The following CFAP47 variants were observed in gnomAD, a reference collection of about 807,000 sequenced individuals.
CFAP47 encodes the protein cilia- and flagella-associated protein 47.
Under a neutral mutation model 148.1 loss-of-function variants are expected in CFAP47, and 29 were observed. The observed-to-expected ratio is 0.20, with a 90% CI of 0.15 to 0.27. The LOEUF (loss-of-function observed/expected upper bound fraction) is 0.27, where lower values mean the gene tolerates loss of function less well. Among genes scored for constraint, CFAP47 ranks in the 10% least tolerant of loss-of-function variants. The pLI is 1.00. For missense variants in CFAP47, 1,872 were observed against 1,697.5 expected (o/e 1.10, Z -1.81); for synonymous variants, 664 against 577.3 (o/e 1.15, Z -2.15).
intron 38 of CFAP47, among the ~76,000 whole-genome samples, chrX:36,160,475 A>C (rs1939416165): frequency 9.0e-6 from 1 of 111,632 alleles, no homozygotes; most frequent in African/African-American, 3.3e-5. Context: ...TAATAAAAAC[A>C]AAATAAAATA....
intron 37 of CFAP47, among the ~76,000 whole-genome samples, chrX:36,154,582 G>A (rs938632176): frequency 3.6e-5 from 4 of 111,540 alleles, no homozygotes; most frequent in Non-Finnish European, 7.5e-5. Flanking sequence ...GAATGTTCAA[G>A]CTTTCTCTAC....
chrX:36,239,300 G>T (rs1183247260), intron 48 of CFAP47, among the ~76,000 whole-genome samples: 2 of 112,305 alleles, frequency 1.8e-5, no homozygotes, highest in African/African-American at 6.5e-5. Context: ...CAGTGATCTT[G>T]AAATTAAAGA....
chrX:36,024,683 TGTC>T, intron 22 of CFAP47, among the ~76,000 whole-genome samples: 1 of 111,563 alleles, frequency 9.0e-6, no homozygotes, highest in South Asian at 3.8e-4. Flanking sequence ...CATGGGTAGA[TGTC>T]AGTTGTGTTT....
intron 3 of CFAP47, 100 bp downstream of exon 3, chrX:35,941,498 G>A: frequency 2.3e-6 from 1 of 433,729 alleles, no homozygotes; most frequent in Non-Finnish European, 3.8e-6. Context: ...ACTGAAAAAA[G>A]GTCTATCATT....
At chrX:36,232,043 A>T (rs1208234645) in intron 46 of CFAP47, among the ~76,000 whole-genome samples, 1 of 111,290 alleles carries the variant, frequency 9.0e-6, no homozygotes, top group African/African-American at 3.3e-5. Flanking sequence ...TTTTGCATCA[A>T]TGTTCATCAA....
intron 54 of CFAP47, among the ~76,000 whole-genome samples, chrX:36,304,243 G>A (rs1358778336): frequency 1.8e-5 from 2 of 109,685 alleles, no homozygotes; most frequent in Non-Finnish European, 3.8e-5. Flanking sequence ...TTAGCCAGAC[G>A]TGGTGTCACG....
intron 3 of CFAP47, among the ~76,000 whole-genome samples, chrX:35,943,340 T>C (rs73629578): frequency 0.082 from 9,174 of 111,464 alleles, 966 homozygotes; most frequent in African/African-American, 0.29. Context: ...TATTTAAAAC[T>C]CAACACTTGG....
chrX:36,295,263 G>T (rs1185376281), intron 51 of CFAP47, among the ~76,000 whole-genome samples: 6 of 112,131 alleles, frequency 5.4e-5, no homozygotes, highest in African/African-American at 1.6e-4. Flanking sequence ...GTTTAATTCT[G>T]AACACAAATT....
chrX:36,105,291 C>T (rs1407224153), intron 33 of CFAP47, among the ~76,000 whole-genome samples: 2 of 111,901 alleles, frequency 1.8e-5, no homozygotes. Flanking sequence ...GGTGCTGAGA[C>T]ATGTTGGTGT....
At chrX:35,933,769 T>C (rs1186076688) in intron 2 of CFAP47, among the ~76,000 whole-genome samples, 1 of 111,964 alleles carries the variant, frequency 8.9e-6, no homozygotes, top group African/African-American at 3.2e-5. Flanking sequence ...GACATTTTAA[T>C]TGGGGTGAGA....
intron 29 of CFAP47, 96 bp downstream of exon 29, chrX:36,073,460 A>G: frequency 1.8e-6 from 1 of 557,231 alleles, no homozygotes; most frequent in East Asian, 3.7e-5. Context: ...TACAATATGA[A>G]GTAATTTATT....
chrX:35,966,688 G>T lies in CFAP47; in HGVS notation c.1534G>T (p.Val512Leu). The change falls in exon 9 of 64, where the codon GTA (valine) becomes TTA (leucine). Residue 512 changes from valine to leucine, a missense_variant. By Grantham distance (32) the Val-to-Leu change is conservative. Transcript: ENST00000378653. ...QSLSVKSFHH[V>L]YLAFNSICKA... is the part of the protein sequence containing the mutation. ...TTTGTCGGTAAAATCTTTCCATCAC[G>T]TATATTTAGCTTTCAACAGCATCTG... The T allele has an allele frequency of 8.5e-7, 1 of 1,176,865 alleles. No individual in the cohort carries two copies. The highest frequency in any genetic ancestry group is 1.1e-6 in the Non-Finnish European group (1 of 876,376).
chrX:36,234,115 G>T (rs1290810047), intron 46 of CFAP47, among the ~76,000 whole-genome samples: 1 of 108,613 alleles, frequency 9.2e-6, no homozygotes, highest in African/African-American at 3.4e-5. Flanking sequence ...TTCTCGAGGA[G>T]TATCTTTGTG....
In CFAP47 at chrX:36,039,033, T is replaced by A. The variant is rs1210297674; in HGVS notation, c.3861T>A (p.Ile1287=). The change falls in exon 25 of 64, where the codon ATT becomes ATA. Residue 1287 remains isoleucine (I), a synonymous_variant. Transcript: ENST00000378653. ...TADIPMLLNY[I]PVCYKILHLT... ...ATATTCCTATGCTTTTAAATTATATTCCAGTTTGCTATAAAATATTACATC... is the reference window on the plus strand; with the variant it reads ...ATATTCCTATGCTTTTAAATTATATACCAGTTTGCTATAAAATATTACATC... The A allele has an allele frequency of 1.9e-5, 22 of 1,132,768 alleles. No homozygotes were observed. Among genetic ancestry groups the A allele is most frequent in the Non-Finnish European group, 2.2e-5 (19 of 848,455 alleles). The allele number at this position is 1,132,768 out of a possible 1,213,427, so 93.4% of individuals were successfully genotyped here.
At chrX:36,346,842 A>G (rs1941701350) in intron 57 of CFAP47, among the ~76,000 whole-genome samples, 2 of 111,845 alleles carry the variant, frequency 1.8e-5, no homozygotes, top group Admixed American at 1.9e-4. Context: ...ATCCTAGAAG[A>G]AAACCTGGGC....
intron 6 of CFAP47, 119 bp downstream of exon 6, chrX:35,952,082 A>AT (rs1404254586): frequency 2.7e-6 from 2 of 729,698 alleles, no homozygotes; most frequent in Non-Finnish European, 3.7e-6. Flanking sequence ...CACAAGTCAG[A>AT]TTTTTCTTGT....
intron 29 of CFAP47, among the ~76,000 whole-genome samples, chrX:36,082,129 C>G (rs759767847): frequency 8.9e-6 from 1 of 111,979 alleles, no homozygotes; most frequent in East Asian, 2.8e-4. Context: ...TCCTACATCA[C>G]TGTACTAATT....
chrX:35,993,978 C>T lies in CFAP47; in HGVS notation c.3099+657C>T, dbSNP rs1340449059. On this transcript the variant is annotated intron_variant, in intron 18 of 63. Transcript: ENST00000378653. Reference sequence around the variant, plus strand: ...AATTATGTAAATGAAAAATATTACCCTGGGCCAGGTGTGGTGGCTCACGCC... The same window carrying T: ...AATTATGTAAATGAAAAATATTACCTTGGGCCAGGTGTGGTGGCTCACGCC... Among the ~76,000 whole-genome samples, 3 of 111,399 alleles carry T rather than the reference C, an allele frequency of 2.7e-5. No individual in the cohort carries two copies. The East Asian group carries it at 8.4e-4, about 31-fold the overall frequency.
In CFAP47 at chrX:36,164,997, T is replaced by A. The variant is rs187918684; in HGVS notation, c.6026+4228T>A. Among the ~76,000 whole-genome samples the A allele has an allele frequency of 5.9e-4, 66 of 111,891 alleles. No homozygotes were observed. In the Admixed American group the frequency reaches 6.1e-3, roughly 10 times the overall value. On this transcript the variant is annotated intron_variant, in intron 39 of 63. Coordinates refer to ENST00000378653, the MANE Select transcript of CFAP47 (RefSeq NM_001304548.2). ...TGTCAGTCATGATGGCCTTCTTCGC[T>A]TCTATGAGTTTGACTACTGTAAACA...
Sources: gnomAD v4.1 joint callset for allele counts (sites outside exome capture counted in the v4.1 genomes callset) on GRCh38, gnomAD v4.1.1 for gene constraint, MANE v1.5 for transcripts, NCBI Gene and HGNC (gene_info 2026-07-23, HGNC 2026-07-21) for gene names.